ACOXL: variants seen among roughly 807,000 people sequenced by gnomAD.
The protein encoded by ACOXL is acyl-coenzyme A oxidase-like protein.
A neutral mutation model predicts 71.9 loss-of-function variants in ACOXL; 70 were observed. That is an observed-to-expected ratio of 0.97 (90% confidence interval 0.80 to 1.19). The LOEUF (loss-of-function observed/expected upper bound fraction) is 1.19, where lower values mean the gene tolerates loss of function less well. Ranked by LOEUF, ACOXL falls within the 50% of genes most tolerant of loss-of-function variation. ACOXL has a pLI of 0.00. For synonymous variants in ACOXL, 253 were observed against 281.6 expected, an observed-to-expected ratio of 0.90 and a Z score of 1.02; for missense variants, 703 against 736.3, an observed-to-expected ratio of 0.95 and a Z score of 0.52.
chr2:111,013,551 AAAAG>A (rs1286357924), intron 14 of ACOXL, among the ~76,000 whole-genome samples: 2 of 151,138 alleles, frequency 1.3e-5, no homozygotes, highest in East Asian at 3.9e-4. Flanking sequence ...AAAAAGAAGT[AAAAG>A]AAAAGGAAGA....
chr2:110,912,887 A>G (rs1211571103), intron 11 of ACOXL, among the ~76,000 whole-genome samples: 1 of 152,210 alleles, frequency 6.6e-6, no homozygotes, highest in East Asian at 1.9e-4. Flanking sequence ...TATCTAGAAC[A>G]TACATGAATT....
At chr2:110,846,466 C>T (rs1255688161) in intron 10 of ACOXL, among the ~76,000 whole-genome samples, 3 of 152,136 alleles carry the variant, frequency 2.0e-5, no homozygotes, top group African/African-American at 7.2e-5. Flanking sequence ...GCAGGATTGC[C>T]TCAGAGCCGG....
intron 10 of ACOXL, among the ~76,000 whole-genome samples, chr2:110,898,127 C>T (rs1336880056): frequency 6.6e-6 from 1 of 152,070 alleles, no homozygotes; most frequent in Non-Finnish European, 1.5e-5. Context: ...ATCTCCAGGC[C>T]AGATGTTTTC....
chr2:110,809,578 C>T lies in ACOXL; in HGVS notation c.753+4183C>T, dbSNP rs188653229. Among the ~76,000 whole-genome samples, 157 of 152,256 alleles carry T rather than the reference C, an allele frequency of 1.0e-3. 1 individual carries two copies. Among genetic ancestry groups the T allele is most frequent in the South Asian group, 2.7e-3 (13 of 4,818 alleles). ...GGCTTCAGGGGATTCTCAGAACCGG[C>T]GATAGACACACAATCTTTTCCTACG... On this transcript the variant is annotated intron_variant, in intron 9 of 17. Transcript: ENST00000439055.
chr2:110,926,308 G>A (rs925722213), intron 11 of ACOXL, among the ~76,000 whole-genome samples: 4 of 152,306 alleles, frequency 2.6e-5, no homozygotes, highest in South Asian at 2.1e-4. Flanking sequence ...TAAAAAGTGC[G>A]ATATCTGCAA....
chr2:111,118,468 A>G lies in ACOXL; in HGVS notation c.*652A>G, dbSNP rs576682552. Among the ~76,000 whole-genome samples the G allele has an allele frequency of 6.6e-6, 1 of 152,278 alleles. No homozygotes were observed. Among genetic ancestry groups the G allele is most frequent in the South Asian group, 2.1e-4 (1 of 4,832 alleles). ...TACGGCAAGACAAGGCGCGGAAAAC[A>G]TTTTTACCATCTGACGCTGTAGTCT... is the stretch of plus-strand genomic sequence containing the variant. On this transcript the variant is annotated 3_prime_UTR_variant, in exon 18 of 18. Transcript: ENST00000439055.
intron 2 of ACOXL, among the ~76,000 whole-genome samples, chr2:110,777,719 C>T (rs1280061959): frequency 6.6e-6 from 1 of 152,192 alleles, no homozygotes; most frequent in Non-Finnish European, 1.5e-5. Flanking sequence ...TCAGCGCGGG[C>T]AGCCCTCCTG....
intron 10 of ACOXL, among the ~76,000 whole-genome samples, chr2:110,853,910 CTTGT>C (rs1272837236): frequency 8.2e-5 from 9 of 109,140 alleles, no homozygotes; most frequent in East Asian, 5.6e-4. Context: ...ATCTAGGACA[CTTGT>C]TTTTTTTTTT....
intron 1 of ACOXL, among the ~76,000 whole-genome samples, chr2:110,758,956 G>A (rs1680036385): frequency 2.0e-5 from 3 of 152,166 alleles, no homozygotes; most frequent in African/African-American, 2.4e-5. Flanking sequence ...TCAGGAGCAG[G>A]TTGTTCCGTT....
At chr2:110,752,548 G>A (rs56062220) in intron 1 of ACOXL, among the ~76,000 whole-genome samples, 3,549 of 151,128 alleles carry the variant, frequency 0.023, 66 homozygotes, top group East Asian at 0.055. Context: ...TGATTGAGGG[G>A]GATCTTGTAT....
intron 10 of ACOXL, among the ~76,000 whole-genome samples, chr2:110,872,528 C>A (rs1695403363): frequency 6.6e-6 from 1 of 152,236 alleles, no homozygotes; most frequent in Non-Finnish European, 1.5e-5. Context: ...ACCATTCTTG[C>A]TGGCTTTAGG....
At chr2:111,093,485 A>C (rs752300404) in intron 17 of ACOXL, 4 of 1,614,126 alleles carry the variant, frequency 2.5e-6, no homozygotes, top group Non-Finnish European at 3.4e-6. Context: ...TCCTTTCTGC[A>C]GGAGAGATGC....
At chr2:110,888,638 G>A (rs1473115820) in intron 10 of ACOXL, among the ~76,000 whole-genome samples, 1 of 152,218 alleles carries the variant, frequency 6.6e-6, no homozygotes. Flanking sequence ...CTTGACAGTA[G>A]TGCTAGAGGT....
At chr2:110,751,247 G>A (rs1233777112) in intron 1 of ACOXL, among the ~76,000 whole-genome samples, 1 of 147,330 alleles carries the variant, frequency 6.8e-6, no homozygotes, top group Non-Finnish European at 1.5e-5. Context: ...CTTGCAGTGA[G>A]CCGAGATCGT....
chr2:110,878,240 A>G (rs1372066541), intron 10 of ACOXL, among the ~76,000 whole-genome samples: 1 of 152,222 alleles, frequency 6.6e-6, no homozygotes. Context: ...GAACATCAAA[A>G]ATAAAGAGGA....
intron 14 of ACOXL, among the ~76,000 whole-genome samples, chr2:111,025,006 A>G (rs1480927710): frequency 6.6e-6 from 1 of 151,984 alleles, no homozygotes; most frequent in African/African-American, 2.4e-5. Flanking sequence ...AACCACCACT[A>G]GCATCTGGAT....
At position 110,977,914 on chromosome 2, in the gene ACOXL, G is replaced by C. The variant is rs934560162; in HGVS notation, c.1060-9194G>C. Among the ~76,000 whole-genome samples, 12 of 152,196 alleles carry C rather than the reference G, an allele frequency of 7.9e-5. 1 individual carries two copies. Among genetic ancestry groups the C allele is most frequent in the Admixed American group, 6.5e-4 (10 of 15,280 alleles). ...GATAACAACCATATAACCAGAGATT[G>C]CCGTGGGGATTCTGGCCTTTGTCTT... is the stretch of plus-strand genomic sequence containing the variant. On this transcript the variant is annotated intron_variant, in intron 12 of 17. Transcript: ENST00000439055.
intron 5 of ACOXL, among the ~76,000 whole-genome samples, chr2:110,797,147 A>G (rs375118608): frequency 4.6e-5 from 7 of 152,190 alleles, no homozygotes; most frequent in African/African-American, 1.4e-4. Flanking sequence ...GGGAGAGCCA[A>G]GAAGTGAGGG....
At chr2:110,875,853 ATG>A (rs1401243492) in intron 10 of ACOXL, among the ~76,000 whole-genome samples, 1 of 152,046 alleles carries the variant, frequency 6.6e-6, no homozygotes, top group African/African-American at 2.4e-5. Context: ...TCTACAATGG[ATG>A]AGGAGGTTAA....
Sources: gnomAD v4.1 joint callset for allele counts (sites outside exome capture counted in the v4.1 genomes callset) on GRCh38, gnomAD v4.1.1 for gene constraint, MANE v1.5 for transcripts, NCBI Gene and HGNC (gene_info 2026-07-23, HGNC 2026-07-21) for gene names.